Variants in ATOSA observed in about 807,000 individuals in gnomAD.
ATOSA encodes the protein atos homolog A, also known as atos homolog protein A.
chr15:52,706,467 A>G, the ATOSA span, among the ~76,000 whole-genome samples: 1 of 152,326 alleles, frequency 6.6e-6, no homozygotes, highest in Admixed American at 6.5e-5. Context: ...AATGAATGCA[A>G]TGATGTTGTT....
chr15:52,590,560 A>G, the ATOSA span: 9 of 152,226 alleles, frequency 5.9e-5, no homozygotes, highest in Admixed American at 5.9e-4. Context: ...GAGGTCCCAA[A>G]ATTATTATTA....
the ATOSA span, among the ~76,000 whole-genome samples, chr15:52,707,607 T>C: frequency 6.6e-6 from 1 of 152,134 alleles, no homozygotes; most frequent in South Asian, 2.1e-4. Flanking sequence ...ACAAGTGAAA[T>C]TGAAATATAG....
chr15:52,617,626 G>C, the ATOSA span, among the ~76,000 whole-genome samples: 1 of 151,744 alleles, frequency 6.6e-6, no homozygotes, highest in South Asian at 2.1e-4. Flanking sequence ...GATACCTATT[G>C]TTAATTTTAT....
the ATOSA span, among the ~76,000 whole-genome samples, chr15:52,650,170 T>C: frequency 2.0e-5 from 3 of 152,300 alleles, no homozygotes; most frequent in South Asian, 6.2e-4. Context: ...TGGTTAGTCA[T>C]ATTTAACAAA....
the ATOSA span, among the ~76,000 whole-genome samples, chr15:52,602,434 C>G: frequency 6.6e-6 from 1 of 152,026 alleles, no homozygotes; most frequent in South Asian, 2.1e-4. Flanking sequence ...TTTTAAGGTG[C>G]TTTGTAATTT....
the ATOSA span, among the ~76,000 whole-genome samples, chr15:52,687,392 G>A: frequency 2.6e-5 from 4 of 152,234 alleles, no homozygotes; most frequent in African/African-American, 9.6e-5. Flanking sequence ...GCGACAGAGC[G>A]AGACTCCGTC....
chr15:52,677,971 T>G, the ATOSA span: 8 of 1,613,584 alleles, frequency 5.0e-6, no homozygotes, highest in African/African-American at 1.3e-5. Flanking sequence ...AAGAAGGGGG[T>G]GGGGGAACAA....
chr15:52,616,107 C>T, the ATOSA span, among the ~76,000 whole-genome samples: 1 of 152,178 alleles, frequency 6.6e-6, no homozygotes, highest in Non-Finnish European at 1.5e-5. Flanking sequence ...GACACAACAA[C>T]CAAATACATA....
chr15:52,656,076 A>G, the ATOSA span: 1 of 152,110 alleles, frequency 6.6e-6, no homozygotes, highest in Non-Finnish European at 1.5e-5. Flanking sequence ...TACTGTATTA[A>G]TAACAATGGG....
chr15:52,661,722 C>T, the ATOSA span, among the ~76,000 whole-genome samples: 607 of 152,210 alleles, frequency 4.0e-3, 2 homozygotes, highest in African/African-American at 0.014. Context: ...ACAAAAGGTA[C>T]AGGCCATGGT....
the ATOSA span, among the ~76,000 whole-genome samples, chr15:52,625,527 C>A: frequency 6.6e-6 from 1 of 152,228 alleles, no homozygotes; most frequent in South Asian, 2.1e-4. Context: ...GACAAGTGAT[C>A]AACTTATCAA....
chr15:52,648,884 T>C, the ATOSA span: 1 of 152,088 alleles, frequency 6.6e-6, no homozygotes, highest in Non-Finnish European at 1.5e-5. Context: ...TCAAGTCCTA[T>C]GATGTCCAGA....
chr15:52,637,039 A>G, the ATOSA span, among the ~76,000 whole-genome samples: 1 of 152,182 alleles, frequency 6.6e-6, no homozygotes, highest in Non-Finnish European at 1.5e-5. Context: ...TAACTATCCA[A>G]CCACCTTACT....
chr15:52,631,617 T>C, the ATOSA span, among the ~76,000 whole-genome samples: 1 of 152,182 alleles, frequency 6.6e-6, no homozygotes, highest in Non-Finnish European at 1.5e-5. Flanking sequence ...TAGAATGCAT[T>C]TTACATTTTT....
At chr15:52,611,773 C>A in the ATOSA span, 1 of 1,613,494 alleles carries the variant, frequency 6.2e-7, no homozygotes, top group East Asian at 2.2e-5. Context: ...TCTGGCTTGG[C>A]GGCACTTAGA....
At chr15:52,586,206 G>C in the ATOSA span, 1 of 152,094 alleles carries the variant, frequency 6.6e-6, no homozygotes, top group South Asian at 2.1e-4. Flanking sequence ...TGGTATTCTT[G>C]TGGTAATTCC....
the ATOSA span, among the ~76,000 whole-genome samples, chr15:52,627,760 G>A: frequency 6.6e-6 from 1 of 151,868 alleles, no homozygotes; most frequent in African/African-American, 2.4e-5. Flanking sequence ...TTTTAATTAA[G>A]AGTTGTTAAC....
the ATOSA span, among the ~76,000 whole-genome samples, chr15:52,631,401 T>G: frequency 6.6e-6 from 1 of 152,040 alleles, no homozygotes; most frequent in African/African-American, 2.4e-5. Flanking sequence ...CACCACTTCT[T>G]AAAAAAAGTC....
the ATOSA span, chr15:52,587,139 T>C: frequency 6.2e-7 from 1 of 1,613,432 alleles, no homozygotes; most frequent in South Asian, 1.1e-5. Context: ...TTGTAGGCTA[T>C]AAAACACATA....
Sources: allele counts gnomAD v4.1 joint callset (sites outside exome capture counted in the v4.1 genomes callset), GRCh38; gene constraint gnomAD v4.1.1; transcripts MANE v1.5; gene names NCBI Gene and HGNC (gene_info 2026-07-23, HGNC 2026-07-21).